Variants in TCF12 observed in about 807,000 individuals in gnomAD.
The protein encoded by TCF12 is transcription factor 12.
A neutral mutation model predicts 86.0 loss-of-function variants in TCF12; 45 were observed. The ratio of observed to expected loss-of-function variants is 0.52; its 90% CI spans 0.41 to 0.67. TCF12 has a LOEUF of 0.67. TCF12 is among the 30% of genes least tolerant of loss of function. The pLI is 0.00. For missense variants in TCF12, 881 were observed against 859.9 expected (o/e 1.02, Z -0.31); for synonymous variants, 330 against 299.6 (o/e 1.10, Z -1.05).
At chr15:57,270,206 G>A (rs1452091903) in intron 18 of TCF12, among the ~76,000 whole-genome samples, 3 of 152,180 alleles carry the variant, frequency 2.0e-5, no homozygotes, top group Non-Finnish European at 4.4e-5. Context: ...ATCAAATGTA[G>A]ATTTGGTCTT....
intron 17 of TCF12, among the ~76,000 whole-genome samples, chr15:57,262,849 G>A (rs1421127527): frequency 6.6e-6 from 1 of 152,166 alleles, no homozygotes; most frequent in Non-Finnish European, 1.5e-5. Context: ...TTGTTCATTT[G>A]TTAAATAGTG....
intron 3 of TCF12, among the ~76,000 whole-genome samples, chr15:56,981,837 A>G (rs1381431288): frequency 1.3e-5 from 2 of 152,206 alleles, no homozygotes; most frequent in Non-Finnish European, 2.9e-5. Context: ...AAGAAAATAT[A>G]TTTACTAAGT....
upstream of TCF12, chr15:56,918,578 G>A (rs2059604511): frequency 7.4e-6 from 2 of 270,984 alleles, no homozygotes; most frequent in Non-Finnish European, 1.5e-5. Context: ...CTTCCTAGGC[G>A]GCGGAGCGGG....
chr15:57,123,912 G>T (rs940211667), intron 5 of TCF12, among the ~76,000 whole-genome samples: 12 of 144,782 alleles, frequency 8.3e-5, no homozygotes, highest in Non-Finnish European at 1.4e-4. Context: ...AGAGCTTGCA[G>T]TTAGCCGAGA....
chr15:57,269,659 T>G (rs1443335848), intron 18 of TCF12, among the ~76,000 whole-genome samples: 1 of 152,166 alleles, frequency 6.6e-6, no homozygotes, highest in Non-Finnish European at 1.5e-5. Context: ...ATCGATGGTC[T>G]TTACAATTTG....
chr15:57,083,480 CTGTT>C lies in TCF12; in HGVS notation c.223-8307_223-8304del, dbSNP rs1236195024. Among the ~76,000 whole-genome samples the C allele has an allele frequency of 1.1e-4, 17 of 152,010 alleles. 1 individual carries two copies. The highest frequency in any genetic ancestry group is 4.1e-4 in the African/African-American group (17 of 41,470). On this transcript the variant is annotated intron_variant, in intron 4 of 20. Transcript: ENST00000333725. ...ATATATCTTTTAGAAAAATAAACGACTGTTTTAGGAATTTTTGGAAAATATAGGC... is the reference window on the plus strand; with the variant it reads ...ATATATCTTTTAGAAAAATAAACGACTTAGGAATTTTTGGAAAATATAGGC...
chr15:57,149,477 A>G (rs2053593015), intron 5 of TCF12, among the ~76,000 whole-genome samples: 1 of 152,224 alleles, frequency 6.6e-6, no homozygotes, highest in African/African-American at 2.4e-5. Context: ...ACAGGAGATC[A>G]TTTTCTTAGA....
In TCF12 at chr15:57,163,611, G is replaced by A. The variant is rs572851161; in HGVS notation, c.326-2791G>A. On this transcript the variant is annotated intron_variant, in intron 5 of 20. Transcript: ENST00000333725. The stretch of plus-strand genomic sequence containing the variant: ...CCAGCTACTTGGGAGGCTGAGGTGG[G>A]AGGATTGCTTGAGCCCAGAAGTTGG... Among the ~76,000 whole-genome samples, 6 of 152,320 alleles carry A rather than the reference G, an allele frequency of 3.9e-5. No homozygotes were observed. The South Asian group carries it at 8.3e-4, about 21-fold the overall frequency.
intron 15 of TCF12, 133 bp from the exon 16 acceptor site, chr15:57,253,129 G>A (rs1182806814): frequency 2.4e-6 from 2 of 842,230 alleles, no homozygotes; most frequent in East Asian, 5.2e-5. Flanking sequence ...TAGTTCAGGT[G>A]GTTGCTTTTG....
intron 3 of TCF12, among the ~76,000 whole-genome samples, chr15:56,970,355 C>G (rs1283090615): frequency 6.6e-6 from 1 of 151,778 alleles, no homozygotes; most frequent in African/African-American, 2.4e-5. Context: ...TGGCGCGCAC[C>G]TGTAGTCCCA....
intron 3 of TCF12, among the ~76,000 whole-genome samples, chr15:57,006,950 T>A (rs1323745542): frequency 6.6e-6 from 1 of 152,050 alleles, no homozygotes; most frequent in Non-Finnish European, 1.5e-5. Flanking sequence ...CAAAATGAGA[T>A]ATGGCAATTA....
chr15:57,002,810 T>C (rs2064129771), intron 3 of TCF12, among the ~76,000 whole-genome samples: 6 of 152,214 alleles, frequency 3.9e-5, no homozygotes, highest in Admixed American at 3.9e-4. Flanking sequence ...TGTACTACTG[T>C]AGCAGTTTGC....
At chr15:57,201,739 G>T (rs184450782) in intron 8 of TCF12, among the ~76,000 whole-genome samples, 345 of 152,272 alleles carry the variant, frequency 2.3e-3, no homozygotes, top group Non-Finnish European at 4.2e-3. Context: ...AAAGGCATGG[G>T]TGGTACTTTG....
At position 57,236,271 on chromosome 15, in the gene TCF12, C is replaced by T. The variant is rs140376963; in HGVS notation, c.1035+2164C>T. 5.1e-3 allele frequency among the ~76,000 whole-genome samples: 781 copies of T among 152,238 alleles called. 6 individuals are homozygous for T. The highest frequency in any genetic ancestry group is 0.018 in the African/African-American group (740 of 41,534). On this transcript the variant is annotated intron_variant, in intron 12 of 20. Transcript: ENST00000333725. Reference sequence around the variant, plus strand: ...CTTTTTCCAACTTTCCTTACAGACTCGCATTCACTTTAATATATGTTTAGT... The same window carrying T: ...CTTTTTCCAACTTTCCTTACAGACTTGCATTCACTTTAATATATGTTTAGT...
chr15:56,944,524 A>G (rs2060912441), intron 3 of TCF12, among the ~76,000 whole-genome samples: 1 of 152,162 alleles, frequency 6.6e-6, no homozygotes, highest in Non-Finnish European at 1.5e-5. Context: ...GTATATACAT[A>G]TTTTTTGCAT....
chr15:57,274,184 T>C (rs1171006301), intron 19 of TCF12, among the ~76,000 whole-genome samples: 1 of 151,478 alleles, frequency 6.6e-6, no homozygotes, highest in Non-Finnish European at 1.5e-5. Context: ...CAAAAAAGAA[T>C]AGGGTGGGCA....
chr15:57,117,689 G>A (rs185018738), intron 5 of TCF12, among the ~76,000 whole-genome samples: 1 of 152,088 alleles, frequency 6.6e-6, no homozygotes, highest in Non-Finnish European at 1.5e-5. Flanking sequence ...TAGTACTCTA[G>A]CATTTTCTGT....
chr15:57,079,303 C>G (rs1408746715), intron 4 of TCF12, among the ~76,000 whole-genome samples: 1 of 152,024 alleles, frequency 6.6e-6, no homozygotes, highest in Non-Finnish European at 1.5e-5. Flanking sequence ...GGTGAAGATG[C>G]TGACTTGTGT....
At chr15:57,202,083 A>T (rs1430375152) in intron 8 of TCF12, among the ~76,000 whole-genome samples, 1 of 152,162 alleles carries the variant, frequency 6.6e-6, no homozygotes, top group Non-Finnish European at 1.5e-5. Context: ...CTAATCTTCA[A>T]CCTTTTGCCA....
Sources: gnomAD v4.1 joint callset for allele counts (sites outside exome capture counted in the v4.1 genomes callset) on GRCh38, gnomAD v4.1.1 for gene constraint, MANE v1.5 for transcripts, NCBI Gene and HGNC (gene_info 2026-07-23, HGNC 2026-07-21) for gene names.